The following ARHGAP10 variants were observed in gnomAD, a reference collection of about 807,000 sequenced individuals.
ARHGAP10 encodes the protein Rho GTPase activating protein 10, also known as rho GTPase-activating protein 10.
In ARHGAP10, 87 loss-of-function variants were observed where a neutral mutation model predicts 108.6. The observed-to-expected ratio is 0.80, with a 90% CI of 0.67 to 0.96. The LOEUF is 0.96. ARHGAP10 is among the 40% of genes least tolerant of loss of function. The pLI is 0.00. For synonymous variants in ARHGAP10, 347 were observed against 341.1 expected, an observed-to-expected ratio of 1.02 and a Z score of -0.19; for missense variants, 939 against 954.5, an observed-to-expected ratio of 0.98 and a Z score of 0.21.
chr4:147,978,849 T>G lies in ARHGAP10; in HGVS notation c.1716+12010T>G, dbSNP rs182949537. On this transcript the variant is annotated intron_variant, in intron 18 of 22. Coordinates refer to ENST00000336498, the MANE Select transcript of ARHGAP10 (RefSeq NM_024605.4). Reference sequence around the variant, plus strand: ...AATTTTTTCATATGTTTTTTGGCCATTTGTCCGTCTTCTTTTGAGATGTGT... The same window carrying G: ...AATTTTTTCATATGTTTTTTGGCCAGTTGTCCGTCTTCTTTTGAGATGTGT... 3.5e-3 allele frequency among the ~76,000 whole-genome samples: 539 copies of G among 152,330 alleles called. 1 individual carries two copies. The highest frequency in any genetic ancestry group is 5.2e-3 in the Non-Finnish European group (351 of 68,018).
intron 7 of ARHGAP10, among the ~76,000 whole-genome samples, chr4:147,873,967 G>A (rs1734955620): frequency 6.6e-6 from 1 of 151,666 alleles, no homozygotes; most frequent in African/African-American, 2.4e-5. Flanking sequence ...CTTTCTTTGC[G>A]GGCTTACACT....
At chr4:147,736,692 A>G (rs1267258930) in intron 1 of ARHGAP10, among the ~76,000 whole-genome samples, 1 of 152,256 alleles carries the variant, frequency 6.6e-6, no homozygotes, top group East Asian at 1.9e-4. Context: ...AATTCTGATT[A>G]ATCTAACTCA....
chr4:147,826,665 G>A lies in ARHGAP10; in HGVS notation c.312+3708G>A, dbSNP rs375121396. 6.6e-5 allele frequency among the ~76,000 whole-genome samples: 10 copies of A among 152,188 alleles called. No individual in the cohort carries two copies. In the East Asian group the frequency reaches 7.7e-4, roughly 12 times the overall value. On this transcript the variant is annotated intron_variant, in intron 3 of 22. Coordinates refer to ENST00000336498, the MANE Select transcript of ARHGAP10 (RefSeq NM_024605.4). Reference sequence around the variant, plus strand: ...CGACATCCAGCCTCAGACCAGTCTCGTTTCTCCTGTGATCCCTACTCCCCT... The same window carrying A: ...CGACATCCAGCCTCAGACCAGTCTCATTTCTCCTGTGATCCCTACTCCCCT...
intron 13 of ARHGAP10, among the ~76,000 whole-genome samples, chr4:147,939,246 CTG>C (rs973561777): frequency 2.0e-5 from 3 of 152,118 alleles, no homozygotes; most frequent in Admixed American, 1.3e-4. Context: ...TTTCAGATCT[CTG>C]TAGAGAGAGA....
intron 18 of ARHGAP10, among the ~76,000 whole-genome samples, chr4:147,994,402 T>A (rs1740395559): frequency 6.6e-6 from 1 of 152,188 alleles, no homozygotes; most frequent in South Asian, 2.1e-4. Context: ...TGGTGTGGTG[T>A]TTGTCGTCAT....
chr4:147,941,012 T>C (rs1738147266), intron 14 of ARHGAP10, among the ~76,000 whole-genome samples: 1 of 152,210 alleles, frequency 6.6e-6, no homozygotes, highest in African/African-American at 2.4e-5. Flanking sequence ...TTACCAATAG[T>C]GGTCTCCAAA....
intron 18 of ARHGAP10, among the ~76,000 whole-genome samples, chr4:148,018,162 C>A (rs1253512345): frequency 6.6e-6 from 1 of 152,068 alleles, no homozygotes; most frequent in Non-Finnish European, 1.5e-5. Flanking sequence ...GAAATTTTCA[C>A]CCTGTGGGGA....
intron 7 of ARHGAP10, among the ~76,000 whole-genome samples, chr4:147,871,891 C>G (rs769305340): frequency 6.6e-6 from 1 of 151,928 alleles, no homozygotes; most frequent in Non-Finnish European, 1.5e-5. Flanking sequence ...ACTTGAGCCC[C>G]AGAGTTCAGG....
At chr4:147,885,681 T>A (rs1253573181) in intron 10 of ARHGAP10, among the ~76,000 whole-genome samples, 1 of 152,196 alleles carries the variant, frequency 6.6e-6, no homozygotes, top group Non-Finnish European at 1.5e-5. Context: ...CTCTCTATCC[T>A]TTTACTTCCA....
chr4:147,765,789 G>T (rs1379463431), intron 1 of ARHGAP10, among the ~76,000 whole-genome samples: 1 of 152,180 alleles, frequency 6.6e-6, no homozygotes, highest in African/African-American at 2.4e-5. Context: ...GACACGATGA[G>T]ACCCTGTCTC....
intron 18 of ARHGAP10, among the ~76,000 whole-genome samples, chr4:147,974,503 G>A (rs1047057756): frequency 6.6e-6 from 1 of 152,070 alleles, no homozygotes; most frequent in South Asian, 2.1e-4. Context: ...TATAAAGTAA[G>A]GAATATAATG....
intron 18 of ARHGAP10, among the ~76,000 whole-genome samples, chr4:147,985,769 C>T (rs369120874): frequency 2.6e-5 from 4 of 152,134 alleles, no homozygotes; most frequent in Admixed American, 6.5e-5. Flanking sequence ...TCAGTGTGTC[C>T]GTCTCAGCGT....
At chr4:147,873,028 C>T (rs1734901998) in intron 7 of ARHGAP10, among the ~76,000 whole-genome samples, 2 of 152,168 alleles carry the variant, frequency 1.3e-5, no homozygotes, top group Non-Finnish European at 2.9e-5. Flanking sequence ...AAAGTTCAAG[C>T]CTGTGTTAAG....
intron 20 of ARHGAP10, among the ~76,000 whole-genome samples, chr4:148,053,971 C>T (rs1413167503): frequency 6.6e-6 from 1 of 152,056 alleles, no homozygotes; most frequent in Non-Finnish European, 1.5e-5. Context: ...AGATGACTTC[C>T]CAAAATAAAG....
chr4:147,769,719 T>G (rs1377091862), intron 1 of ARHGAP10, among the ~76,000 whole-genome samples: 2 of 152,168 alleles, frequency 1.3e-5, no homozygotes, highest in Non-Finnish European at 2.9e-5. Context: ...TTTGAGATAT[T>G]TTTTTCTTTT....
intron 18 of ARHGAP10, among the ~76,000 whole-genome samples, chr4:147,974,279 G>T (rs983504371): frequency 6.6e-6 from 1 of 152,134 alleles, no homozygotes; most frequent in African/African-American, 2.4e-5. Context: ...CTGATGATTA[G>T]TGGTGTTGTG....
At chr4:147,856,655 A>G (rs1224592450) in intron 4 of ARHGAP10, among the ~76,000 whole-genome samples, 1 of 152,194 alleles carries the variant, frequency 6.6e-6, no homozygotes, top group African/African-American at 2.4e-5. Context: ...TAGGCCCCAT[A>G]CCCAAGATAC....
At chr4:148,031,001 G>A (rs1728124853) in intron 19 of ARHGAP10, among the ~76,000 whole-genome samples, 1 of 152,138 alleles carries the variant, frequency 6.6e-6, no homozygotes, top group African/African-American at 2.4e-5. Context: ...TGAGGCTGCA[G>A]CGAGCCGTGA....
At chr4:147,913,338 A>G (rs1261339827) in intron 13 of ARHGAP10, among the ~76,000 whole-genome samples, 199 bp downstream of exon 13, 2 of 152,234 alleles carry the variant, frequency 1.3e-5, no homozygotes, top group African/African-American at 4.8e-5. Context: ...TTTCTTTCCT[A>G]TATGAAAACA....
Sources: gnomAD v4.1 joint callset for allele counts (sites outside exome capture counted in the v4.1 genomes callset) on GRCh38, gnomAD v4.1.1 for gene constraint, MANE v1.5 for transcripts, NCBI Gene and HGNC (gene_info 2026-07-23, HGNC 2026-07-21) for gene names.